Variants in DNM3 observed in about 807,000 individuals in gnomAD.
The protein encoded by DNM3 is dynamin 3, also known as dynamin-3.
Under a neutral mutation model 101.6 loss-of-function variants are expected in DNM3, and 47 were observed. The observed-to-expected ratio is 0.46, with a 90% CI of 0.37 to 0.59. The LOEUF (loss-of-function observed/expected upper bound fraction) is 0.59. Among genes scored for constraint, DNM3 ranks in the 20% least tolerant of loss-of-function variants. DNM3 has a pLI of 0.00. For synonymous variants in DNM3, 385 were observed against 387.9 expected (o/e 0.99, Z 0.09); for missense variants, 849 against 1,085.7 (o/e 0.78, Z 3.06).
At chr1:171,929,571 A>G (rs1442274072) in intron 2 of DNM3, among the ~76,000 whole-genome samples, 3 of 151,600 alleles carry the variant, frequency 2.0e-5, no homozygotes, top group Non-Finnish European at 2.9e-5. Flanking sequence ...GTCTGGCCAC[A>G]TTTTTGGAGA....
intron 10 of DNM3, among the ~76,000 whole-genome samples, chr1:172,051,779 G>C (rs1048867407): frequency 1.6e-4 from 25 of 152,108 alleles, no homozygotes; most frequent in Admixed American, 1.3e-3. Flanking sequence ...AAGGTGTATG[G>C]GTGAGCAGAT....
At chr1:172,020,719 G>A (rs1468521459) in intron 4 of DNM3, among the ~76,000 whole-genome samples, 4 of 54,526 alleles carry the variant, frequency 7.3e-5, no homozygotes, top group South Asian at 5.0e-4. Context: ...GTGAGACTCC[G>A]TCAAAAAAAA....
At chr1:171,911,881 T>C (rs1207217205) in intron 1 of DNM3, among the ~76,000 whole-genome samples, 1 of 152,084 alleles carries the variant, frequency 6.6e-6, no homozygotes, top group Admixed American at 6.5e-5. Flanking sequence ...CTAGTCACTG[T>C]CGTGTCAAAG....
At chr1:172,238,753 C>G (rs1411088834) in intron 14 of DNM3, among the ~76,000 whole-genome samples, 1 of 151,832 alleles carries the variant, frequency 6.6e-6, no homozygotes, top group Non-Finnish European at 1.5e-5. Flanking sequence ...GCAGCAATAG[C>G]AGCTGACCCA....
intron 20 of DNM3, among the ~76,000 whole-genome samples, chr1:172,398,603 G>C (rs2070213214): frequency 6.6e-6 from 1 of 152,134 alleles, no homozygotes; most frequent in Non-Finnish European, 1.5e-5. Context: ...GAAAATGAGA[G>C]CCTTTCATTT....
At position 172,081,233 on chromosome 1, in the gene DNM3, A is replaced by G. The variant is rs149091327; in HGVS notation, c.1423-599A>G. ...CACCTCAGCCTCCAGAGTAGCTGGG[A>G]CTATAGGCACACACCACCATGCCCA... On this transcript the variant is annotated intron_variant, in intron 11 of 20. Coordinates refer to ENST00000627582, the MANE Select transcript of DNM3 (RefSeq NM_015569.5). Among the ~76,000 whole-genome samples the G allele has an allele frequency of 5.5e-3, 836 of 152,206 alleles. 8 individuals carry two copies. Among genetic ancestry groups the G allele is most frequent in the African/African-American group, 0.017 (725 of 41,508 alleles).
intron 1 of DNM3, among the ~76,000 whole-genome samples, chr1:171,917,047 C>A (rs1460728894): frequency 1.3e-5 from 2 of 152,132 alleles, no homozygotes; most frequent in Admixed American, 6.5e-5. Flanking sequence ...AAGCATAGTA[C>A]CTGTTATGCT....
At chr1:172,132,912 A>G in intron 14 of DNM3, 2 of 1,197,326 alleles carry the variant, frequency 1.7e-6, no homozygotes, top group South Asian at 1.3e-5. Context: ...GGCGAGGATA[A>G]CCAACTTACC....
chr1:171,857,366 T>TCACA (rs1340727040), intron 1 of DNM3, among the ~76,000 whole-genome samples: 12 of 152,014 alleles, frequency 7.9e-5, no homozygotes, highest in Non-Finnish European at 1.5e-4. Context: ...TTACAAATGG[T>TCACA]GAGTGACAGA....
intron 4 of DNM3, 98 bp from the exon 5 acceptor site, chr1:172,032,304 C>T: frequency 2.3e-6 from 2 of 877,602 alleles, no homozygotes. Context: ...GGGAAAAGGA[C>T]CAGGAAAATG....
chr1:172,336,622 T>C (rs975231435), intron 17 of DNM3, among the ~76,000 whole-genome samples: 3 of 150,928 alleles, frequency 2.0e-5, no homozygotes, highest in Non-Finnish European at 4.4e-5. Context: ...ATTCCTGATA[T>C]CTTACCTAAT....
intron 10 of DNM3, among the ~76,000 whole-genome samples, chr1:172,066,067 C>A (rs1013203664): frequency 6.6e-6 from 1 of 152,118 alleles, no homozygotes; most frequent in African/African-American, 2.4e-5. Flanking sequence ...AGCCCCATTT[C>A]AGGGAGGCCT....
chr1:172,343,667 A>AT (rs1278341241), intron 17 of DNM3, among the ~76,000 whole-genome samples: 5 of 152,130 alleles, frequency 3.3e-5, no homozygotes, highest in Non-Finnish European at 7.3e-5. Context: ...CAAAAAGCAG[A>AT]TTTTTTCCCA....
At position 172,359,125 on chromosome 1, in the gene DNM3, A is replaced by AACACACACACACAC. The variant is rs10683483; in HGVS notation, c.1894-19869_1894-19856dup. On this transcript the variant is annotated intron_variant, in intron 17 of 20. Transcript: ENST00000627582. Reference sequence around the variant, plus strand: ...ATGGGCATCTGAACAACTCCCACAAAACACACACACACACACACACACACA... The same window carrying AACACACACACACAC: ...ATGGGCATCTGAACAACTCCCACAAAACACACACACACACACACACACACACACACACACACACA... Among the ~76,000 whole-genome samples, 963 of 145,788 alleles carry AACACACACACACAC rather than the reference A, an allele frequency of 6.6e-3. 7 individuals are homozygous for AACACACACACACAC. The highest frequency in any genetic ancestry group is 0.01 in the East Asian group (49 of 4,672).
intron 12 of DNM3, among the ~76,000 whole-genome samples, chr1:172,089,914 CTCTGTT>C (rs2147800399): frequency 6.6e-6 from 1 of 152,276 alleles, no homozygotes; most frequent in South Asian, 2.1e-4. Context: ...TCCTCTCTGT[CTCTGTT>C]TCTGTCTGTC....
chr1:172,344,992 A>G (rs1270163460), intron 17 of DNM3, among the ~76,000 whole-genome samples: 1 of 152,228 alleles, frequency 6.6e-6, no homozygotes. Context: ...AATACTTCAT[A>G]TTTTATAGCC....
chr1:171,887,707 G>T (rs568903636), intron 1 of DNM3, among the ~76,000 whole-genome samples: 79 of 151,822 alleles, frequency 5.2e-4, no homozygotes, highest in Admixed American at 1.1e-3. Flanking sequence ...ACATTTCTTT[G>T]ATAATCTCTA....
rs117820760 is a variant in DNM3, at chr1:172,264,227, A to C, written c.1769+10545A>C. Among the ~76,000 whole-genome samples, 105 of 152,334 alleles carry C rather than the reference A, an allele frequency of 6.9e-4. 1 individual carries two copies. In the East Asian group the frequency reaches 0.012, roughly 17 times the overall value. ...GTTGCTAGTCTCTTCTGATGAGAAG[A>C]AGCTAATTTCAAAGGCAAGATGAGC... On this transcript the variant is annotated intron_variant, in intron 15 of 20. Coordinates refer to ENST00000627582, the MANE Select transcript of DNM3 (RefSeq NM_015569.5).
At chr1:172,413,507 G>C (rs1166348515), downstream of DNM3, among the ~76,000 whole-genome samples, 1 of 152,142 alleles carries the variant, frequency 6.6e-6, no homozygotes, top group Non-Finnish European at 1.5e-5. Context: ...GATTACAGGT[G>C]TGAGCCACCG....
Sources: allele counts gnomAD v4.1 joint callset (sites outside exome capture counted in the v4.1 genomes callset), GRCh38; gene constraint gnomAD v4.1.1; transcripts MANE v1.5; gene names NCBI Gene and HGNC (gene_info 2026-07-23, HGNC 2026-07-21).